MCM9: variants seen among roughly 807,000 people sequenced by gnomAD.
MCM9 encodes the protein minichromosome maintenance 9 homologous recombination repair factor.
MCM9 carries 55 observed loss-of-function variants against 72.8 expected under a neutral mutation model. The ratio of observed to expected loss-of-function variants is 0.76; its 90% confidence interval spans 0.61 to 0.95. MCM9 has a LOEUF of 0.95. MCM9 is among the 40% of genes least tolerant of loss of function. The pLI is 0.00. For synonymous variants in MCM9, 480 were observed against 503.4 expected, an observed-to-expected ratio of 0.95 and a Z score of 0.62; for missense variants, 1,279 against 1,377.0, an observed-to-expected ratio of 0.93 and a Z score of 1.13.
At chr6:118,905,356 T>G (rs778024657) in intron 8 of MCM9, among the ~76,000 whole-genome samples, 9 of 47,672 alleles carry the variant, frequency 1.9e-4, no homozygotes, top group Non-Finnish European at 3.0e-4. Context: ...TTATAATGAA[T>G]AGTGTATAAT....
intron 3 of MCM9, among the ~76,000 whole-genome samples, chr6:118,927,281 A>G (rs1441166818): frequency 6.6e-6 from 1 of 152,254 alleles, no homozygotes; most frequent in Non-Finnish European, 1.5e-5. Flanking sequence ...CAATGAGATT[A>G]CAGACTGCCT....
In MCM9 at chr6:118,917,647, T is replaced by C. The variant is rs1781072844; in HGVS notation, c.818A>G (p.Glu273Gly). ...LKANYIQVNN[E>G]QSSGIIMDEE... ...ATCCATGATGATCCCTGAGGACTGC[T>C]CATTATTTACTTGGATGTAATTTGC... The change falls in exon 6 of 14, where the codon GAG (glutamate) becomes GGG (glycine). Residue 273 changes from glutamate to glycine, a missense_variant. Physicochemically the swap from Glu to Gly is moderately conservative, Grantham distance 98. Coordinates refer to ENST00000619706, the MANE Select transcript of MCM9 (RefSeq NM_017696.3). The C allele has an allele frequency of 1.9e-6, 3 of 1,614,214 alleles. No homozygotes were observed. The highest frequency in any genetic ancestry group is 2.2e-5 in the South Asian group (2 of 91,086).
rs549531759 is a variant in MCM9, at chr6:118,923,946, C to G, written c.486G>C (p.Gln162His). Residue 162 changes from glutamine (Q) to histidine (H), a missense_variant, in exon 4 of 14, where the codon CAG becomes CAC. Transcript: ENST00000619706. ...AGGATGGCCGGCAAAAGGTGTAATA[C>G]TGCTCAAAGTCAGCCTTGATCACAA... The part of the protein sequence containing the change: ...HVFVIKADFE[Q>H]YYTFCRPSSC... 80 of 1,614,212 alleles carry G rather than the reference C, an allele frequency of 5.0e-5. No homozygotes were observed. The South Asian group carries it at 8.0e-4, about 16-fold the overall frequency.
rs540537367 is a variant in MCM9 at position 118,832,018 on chromosome 6, G to C, written c.1326-2768C>G. Among the ~76,000 whole-genome samples, 14 of 152,210 alleles carry C rather than the reference G, an allele frequency of 9.2e-5. 1 individual carries two copies. The highest frequency in any genetic ancestry group is 3.4e-4 in the African/African-American group (14 of 41,530). On this transcript the variant is annotated intron_variant, in intron 9 of 13. Transcript: ENST00000619706. ...CAAAATCAATGCGCTTTTACTTCCA[G>C]ACTGCCGATTCTGCCTGGGATTTTC...
At chr6:118,859,387 T>C (rs775842700) in intron 8 of MCM9, among the ~76,000 whole-genome samples, 10 of 152,206 alleles carry the variant, frequency 6.6e-5, no homozygotes, top group Non-Finnish European at 4.4e-5. Context: ...TACAAGTCAC[T>C]ACTTCAACCT....
chr6:118,823,520 A>C (rs1363157822), intron 13 of MCM9, among the ~76,000 whole-genome samples: 2 of 152,216 alleles, frequency 1.3e-5, no homozygotes, highest in Non-Finnish European at 2.9e-5. Flanking sequence ...TGGGAGCTGC[A>C]GACCACAGCT....
intron 9 of MCM9, among the ~76,000 whole-genome samples, chr6:118,839,056 A>G (rs2066152166): frequency 6.6e-6 from 1 of 152,136 alleles, no homozygotes; most frequent in African/African-American, 2.4e-5. Context: ...ACTTTCAGGT[A>G]CACCAATCAA....
intron 9 of MCM9, among the ~76,000 whole-genome samples, chr6:118,849,381 G>T (rs1776083749): frequency 6.6e-6 from 1 of 151,444 alleles, no homozygotes; most frequent in South Asian, 2.1e-4. Context: ...ACAAACAAAA[G>T]GTAAGTAAGG....
intron 13 of MCM9, among the ~76,000 whole-genome samples, chr6:118,818,129 T>G (rs932571672): frequency 6.6e-6 from 1 of 152,242 alleles, no homozygotes; most frequent in Non-Finnish European, 1.5e-5. Flanking sequence ...GCTCTTTGGT[T>G]TGATTAGATC....
At chr6:118,911,355 T>C (rs1780532280) in intron 8 of MCM9, 2 of 1,095,526 alleles carry the variant, frequency 1.8e-6, no homozygotes, top group South Asian at 7.4e-5. Flanking sequence ...TTGCTGAGTC[T>C]TGATAAAATG....
intron 8 of MCM9, among the ~76,000 whole-genome samples, chr6:118,886,422 T>C (rs1778605843): frequency 6.6e-6 from 1 of 151,906 alleles, no homozygotes; most frequent in South Asian, 2.1e-4. Flanking sequence ...TAAAACTATC[T>C]CTATTTACAG....
chr6:118,911,779 A>G lies in MCM9; in HGVS notation c.1031-10T>C, dbSNP rs760546776. 1.9e-6 allele frequency: 3 copies of G among 1,600,852 alleles called. No individual in the cohort carries two copies. In the South Asian group the frequency reaches 3.3e-5, roughly 18 times the overall value. ...AAAAGATGAGATTCTCCTAGGAAAAAGCAAATACATGAAGTTTTAAATTTC... is the reference window on the plus strand; with the variant it reads ...AAAAGATGAGATTCTCCTAGGAAAAGGCAAATACATGAAGTTTTAAATTTC... On this transcript the variant is annotated splice_polypyrimidine_tract_variant and intron_variant, in intron 7 of 13. Coordinates refer to ENST00000619706, the MANE Select transcript of MCM9 (RefSeq NM_017696.3).
At chr6:118,912,942 C>A in intron 7 of MCM9, 1 of 171,810 alleles carries the variant, frequency 5.8e-6, no homozygotes, top group Non-Finnish European at 1.3e-5. Flanking sequence ...GAGACGCTGA[C>A]TGGAGACATT....
chr6:118,888,154 A>T (rs1778714837), intron 8 of MCM9, among the ~76,000 whole-genome samples: 1 of 152,106 alleles, frequency 6.6e-6, no homozygotes, highest in Admixed American at 6.6e-5. Flanking sequence ...GAGAAATTAG[A>T]ATGCTGGTGG....
intron 8 of MCM9, chr6:118,907,389 CT>C (rs1562433031): frequency 1.3e-6 from 2 of 1,557,344 alleles, no homozygotes; most frequent in Non-Finnish European, 1.7e-6. Context: ...TGTATGTTTC[CT>C]TTTTCCTCTA....
At chr6:118,877,602 T>C (rs770559317) in intron 8 of MCM9, among the ~76,000 whole-genome samples, 4 of 152,170 alleles carry the variant, frequency 2.6e-5, no homozygotes, top group Non-Finnish European at 4.4e-5. Flanking sequence ...ATGGGAATAA[T>C]AACGGATACA....
intron 6 of MCM9, among the ~76,000 whole-genome samples, chr6:118,913,634 C>G (rs1780717420): frequency 6.6e-6 from 1 of 152,196 alleles, no homozygotes; most frequent in South Asian, 2.1e-4. Flanking sequence ...GGGTCTCACT[C>G]TGTCACCTAG....
chr6:118,897,780 TCCTC>T (rs1455409787), intron 8 of MCM9, among the ~76,000 whole-genome samples: 2 of 151,820 alleles, frequency 1.3e-5, no homozygotes, highest in Non-Finnish European at 2.9e-5. Context: ...ACCTTACCCT[TCCTC>T]CCTCAAATAC....
chr6:118,847,904 A>C (rs1775981482), intron 9 of MCM9, among the ~76,000 whole-genome samples: 1 of 151,992 alleles, frequency 6.6e-6, no homozygotes, highest in Non-Finnish European at 1.5e-5. Flanking sequence ...CATAGAAAGC[A>C]AGACTTTAGG....
Sources: gnomAD v4.1 joint callset for allele counts (sites outside exome capture counted in the v4.1 genomes callset) on GRCh38, gnomAD v4.1.1 for gene constraint, MANE v1.5 for transcripts, NCBI Gene and HGNC (gene_info 2026-07-23, HGNC 2026-07-21) for gene names.